QNG1: variants seen among roughly 807,000 people sequenced by gnomAD.
QNG1 encodes the protein queuosine 5'-phosphate N-glycosylase/hydrolase.
At chr9:83,947,645 C>T in the QNG1 span, among the ~76,000 whole-genome samples, 1 of 152,208 alleles carries the variant, frequency 6.6e-6, no homozygotes, top group Non-Finnish European at 1.5e-5. Flanking sequence ...TGCCAAGTGC[C>T]TGGGATTGCA....
At chr9:83,951,761 C>T in the QNG1 span, among the ~76,000 whole-genome samples, 5 of 152,114 alleles carry the variant, frequency 3.3e-5, no homozygotes, top group African/African-American at 1.2e-4. Flanking sequence ...AATAGCTCTT[C>T]TTTCACCTAT....
chr9:83,954,347 A>G, the QNG1 span, among the ~76,000 whole-genome samples: 2 of 152,152 alleles, frequency 1.3e-5, no homozygotes, highest in Non-Finnish European at 2.9e-5. Flanking sequence ...TTTAAAAGGA[A>G]AAAAAAGGAA....
the QNG1 span, among the ~76,000 whole-genome samples, chr9:83,947,576 C>T: frequency 6.6e-6 from 1 of 152,244 alleles, no homozygotes; most frequent in Non-Finnish European, 1.5e-5. Context: ...GGAGGCTGGA[C>T]CGTACTGCCG....
chr9:83,955,806 A>G, the QNG1 span, among the ~76,000 whole-genome samples: 2 of 152,214 alleles, frequency 1.3e-5, no homozygotes, highest in African/African-American at 4.8e-5. Flanking sequence ...CTACTTGTTC[A>G]TCTGTACTTA....
At chr9:83,947,715 G>A in the QNG1 span, among the ~76,000 whole-genome samples, 2 of 152,220 alleles carry the variant, frequency 1.3e-5, no homozygotes, top group African/African-American at 4.8e-5. Flanking sequence ...GGGTTTCGCC[G>A]TGTTGGCCGG....
chr9:83,951,898 T>C, the QNG1 span, among the ~76,000 whole-genome samples: 1 of 152,246 alleles, frequency 6.6e-6, no homozygotes, highest in Non-Finnish European at 1.5e-5. Flanking sequence ...TTGTTAACTT[T>C]ATTAATCTGT....
chr9:83,956,298 ACCC>A, the QNG1 span: 1 of 1,614,074 alleles, frequency 6.2e-7, no homozygotes, highest in Non-Finnish European at 8.5e-7. Context: ...TGTCACGAAC[ACCC>A]AGTTGACCGC....
At chr9:83,944,796 T>C in the QNG1 span, 1 of 1,610,224 alleles carries the variant, frequency 6.2e-7, no homozygotes, top group African/African-American at 1.3e-5. Context: ...TTGCAAACCT[T>C]TGAGAAGCTT....
the QNG1 span, among the ~76,000 whole-genome samples, chr9:83,947,043 C>T: frequency 6.6e-6 from 1 of 152,058 alleles, no homozygotes; most frequent in Non-Finnish European, 1.5e-5. Context: ...TAAACTCCAT[C>T]CTGGGCAACT....
At chr9:83,951,872 C>A in the QNG1 span, among the ~76,000 whole-genome samples, 1 of 152,294 alleles carries the variant, frequency 6.6e-6, no homozygotes. Context: ...TGATCTAAAT[C>A]TATCTAAATT....
chr9:83,944,060 G>A, the QNG1 span, among the ~76,000 whole-genome samples: 5 of 150,054 alleles, frequency 3.3e-5, no homozygotes, highest in Non-Finnish European at 5.9e-5. Flanking sequence ...AGTGGCTCAC[G>A]CCTGTAATCC....
At chr9:83,946,418 G>A in the QNG1 span, among the ~76,000 whole-genome samples, 1 of 152,096 alleles carries the variant, frequency 6.6e-6, no homozygotes, top group Non-Finnish European at 1.5e-5. Flanking sequence ...CAGATAATAT[G>A]ATTAACTTAT....
At chr9:83,943,068 G>A in the QNG1 span, among the ~76,000 whole-genome samples, 5 of 152,236 alleles carry the variant, frequency 3.3e-5, no homozygotes, top group East Asian at 5.8e-4. Flanking sequence ...GAAGCTGGGC[G>A]TGGTGGCTCA....
At chr9:83,945,512 T>C in the QNG1 span, among the ~76,000 whole-genome samples, 1 of 152,106 alleles carries the variant, frequency 6.6e-6, no homozygotes, top group Non-Finnish European at 1.5e-5. Flanking sequence ...GCACATAAAA[T>C]ACAATTTATG....
At chr9:83,956,116 A>G in the QNG1 span, 5 of 1,588,690 alleles carry the variant, frequency 3.1e-6, no homozygotes, top group Admixed American at 8.4e-5. Context: ...CCCCAAGTAA[A>G]TGGAAACCTC....
chr9:83,948,086 GC>G, the QNG1 span, among the ~76,000 whole-genome samples: 1 of 151,652 alleles, frequency 6.6e-6, no homozygotes, highest in Admixed American at 6.6e-5. Context: ...CTGCCCGGCT[GC>G]CCATCGTCTG....
At chr9:83,944,745 G>A in the QNG1 span, 13 of 1,409,120 alleles carry the variant, frequency 9.2e-6, no homozygotes, top group South Asian at 5.3e-5. Context: ...AAACTAAACC[G>A]AGATCCAACA....
the QNG1 span, chr9:83,955,369 G>A: frequency 6.2e-7 from 1 of 1,608,898 alleles, no homozygotes; most frequent in Admixed American, 1.7e-5. Context: ...ATCCCCAACA[G>A]AAGCAACTCA....
the QNG1 span, among the ~76,000 whole-genome samples, chr9:83,952,513 A>G: frequency 1.3e-5 from 2 of 152,038 alleles, no homozygotes; most frequent in South Asian, 4.2e-4. Flanking sequence ...TACAAAAATT[A>G]GGCCAGGTGC....
Sources: gnomAD v4.1 joint callset for allele counts (sites outside exome capture counted in the v4.1 genomes callset) on GRCh38, gnomAD v4.1.1 for gene constraint, MANE v1.5 for transcripts, NCBI Gene and HGNC (gene_info 2026-07-23, HGNC 2026-07-21) for gene names.